Variants in CALN1 observed in about 807,000 individuals in gnomAD.
CALN1 encodes calcium-binding protein 8.
A neutral mutation model predicts 30.6 loss-of-function variants in CALN1; 17 were observed. The observed-to-expected ratio is 0.56, with a 90% CI of 0.38 to 0.83. CALN1 has a LOEUF of 0.83. Among genes scored for constraint, CALN1 ranks in the 40% least tolerant of loss-of-function variants. The pLI, the probability that CALN1 is intolerant of heterozygous loss-of-function variation, is 0.00. For synonymous variants in CALN1, 156 were observed against 131.4 expected, an observed-to-expected ratio of 1.19 and a Z score of -1.28; for missense variants, 291 against 354.9, an observed-to-expected ratio of 0.82 and a Z score of 1.45.
chr7:72,427,680 T>A, intron 1 of CALN1, among the ~76,000 whole-genome samples: 1 of 151,698 alleles, frequency 6.6e-6, no homozygotes, highest in Admixed American at 6.6e-5. Context: ...TATTTTTATT[T>A]TTTTGTAGAG....
intron 3 of CALN1, among the ~76,000 whole-genome samples, chr7:72,269,317 C>A (rs568398696): frequency 2.6e-5 from 4 of 152,252 alleles, no homozygotes; most frequent in South Asian, 4.1e-4. Context: ...ATTAACTCGT[C>A]ATTTAACATT....
At chr7:72,492,163 C>A in the CALN1 span, among the ~76,000 whole-genome samples, 24 of 152,172 alleles carry the variant, frequency 1.6e-4, no homozygotes, top group Non-Finnish European at 2.9e-4. Flanking sequence ...CAGAAATGTG[C>A]CACCTTGGCC....
intron 3 of CALN1, among the ~76,000 whole-genome samples, chr7:72,212,218 A>G (rs940796474): frequency 8.6e-5 from 13 of 151,986 alleles, no homozygotes; most frequent in South Asian, 2.1e-4. Flanking sequence ...GCGTGGTGGC[A>G]GGCACCTGTA....
chr7:71,905,758 A>C (rs1296565696), intron 5 of CALN1, among the ~76,000 whole-genome samples: 2 of 152,198 alleles, frequency 1.3e-5, no homozygotes, highest in African/African-American at 4.8e-5. Flanking sequence ...CATTATAAAA[A>C]AAATCTAGGG....
chr7:72,266,636 A>C (rs1403853126), intron 3 of CALN1, among the ~76,000 whole-genome samples: 1 of 152,070 alleles, frequency 6.6e-6, no homozygotes. Context: ...TGATGCCTTG[A>C]TCGCTTTTGG....
the CALN1 span, among the ~76,000 whole-genome samples, chr7:72,460,270 C>T: frequency 6.6e-6 from 1 of 152,170 alleles, no homozygotes; most frequent in Admixed American, 6.6e-5. Context: ...GACAAACATC[C>T]AAACGATGTC....
At chr7:72,139,718 G>C (rs575881700) in intron 3 of CALN1, among the ~76,000 whole-genome samples, 3 of 152,040 alleles carry the variant, frequency 2.0e-5, no homozygotes, top group Admixed American at 6.6e-5. Flanking sequence ...TAAGCTCCTC[G>C]GTCACCTCCA....
At chr7:72,088,527 C>A (rs1805629494) in intron 4 of CALN1, among the ~76,000 whole-genome samples, 1 of 151,776 alleles carries the variant, frequency 6.6e-6, no homozygotes, top group Middle Eastern at 3.2e-3. Flanking sequence ...GTTGAAACCC[C>A]ATCTGTACTA....
rs1554400328 is a variant in CALN1 at position 71,972,034 on chromosome 7, A to AAAGAAAGAAAGAC, written c.501+51622_501+51623insGTCTTTCTTTCTT. On this transcript the variant is annotated intron_variant, in intron 5 of 6. Transcript: ENST00000395275. Reference sequence around the variant, plus strand: ...AAGAAAGAAAAGAAAGAAAGAAAGAAAGACACACTCAGAGTTGACGCTATT... The same window carrying AAAGAAAGAAAGAC: ...AAGAAAGAAAAGAAAGAAAGAAAGAAAAGAAAGAAAGACAGACACACTCAGAGTTGACGCTATT... Among the ~76,000 whole-genome samples the AAAGAAAGAAAGAC allele has an allele frequency of 1.5e-3, 208 of 143,288 alleles. 1 individual carries two copies. The highest frequency in any genetic ancestry group is 2.2e-3 in the Admixed American group (30 of 13,540). 94.0% of individuals were successfully genotyped at this position (143,288 alleles called of 152,430 possible). A position where few individuals can be genotyped will look rare whatever the true frequency, so the allele number is the denominator to read the frequency against.
chr7:71,809,464 C>CGAAAAAAA (rs376097060), intron 6 of CALN1, among the ~76,000 whole-genome samples: 1 of 108,402 alleles, frequency 9.2e-6, no homozygotes, highest in African/African-American at 3.5e-5. Context: ...TTTAAATGTT[C>CGAAAAAAA]AAAAAAAAAA....
At chr7:72,276,853 G>T (rs1452786837) in intron 3 of CALN1, among the ~76,000 whole-genome samples, 2 of 152,078 alleles carry the variant, frequency 1.3e-5, no homozygotes, top group African/African-American at 2.4e-5. Context: ...TGTTGTTATA[G>T]CAACACAAAG....
intron 5 of CALN1, among the ~76,000 whole-genome samples, chr7:71,920,555 T>C (rs1794892541): frequency 6.6e-6 from 1 of 152,066 alleles, no homozygotes; most frequent in African/African-American, 2.4e-5. Flanking sequence ...CAGGATGGTC[T>C]TGATCTCCTG....
chr7:72,435,275 G>A (rs1027249485), intron 1 of CALN1, among the ~76,000 whole-genome samples: 1 of 151,790 alleles, frequency 6.6e-6, no homozygotes, highest in African/African-American at 2.4e-5. Flanking sequence ...AAAGGGAAGG[G>A]AAGGGGAAGG....
chr7:72,113,246 T>C (rs2129541676), intron 3 of CALN1, among the ~76,000 whole-genome samples: 1 of 152,186 alleles, frequency 6.6e-6, no homozygotes, highest in South Asian at 2.1e-4. Flanking sequence ...GAGTCCTCAA[T>C]TAGTTCCTGC....
chr7:72,458,884 T>C, the CALN1 span, among the ~76,000 whole-genome samples: 1 of 141,436 alleles, frequency 7.1e-6, no homozygotes, highest in Non-Finnish European at 1.5e-5. Context: ...ATATATTTGT[T>C]TGTTTTGGTT....
chr7:72,490,372 T>C, the CALN1 span, among the ~76,000 whole-genome samples: 1 of 152,230 alleles, frequency 6.6e-6, no homozygotes, highest in African/African-American at 2.4e-5. Flanking sequence ...GAGGGTTATA[T>C]AGAGCAATGA....
Position 72,205,575 on chromosome 7 carries a change from T to TATATACATATATATATATATATATAC in CALN1, c.244+73110_244+73111insGTATATATATATATATATATGTATAT, listed in dbSNP as rs1562733884. Among the ~76,000 whole-genome samples the TATATACATATATATATATATATATAC allele has an allele frequency of 5.6e-4, 67 of 119,584 alleles. 1 individual carries two copies. The highest frequency in any genetic ancestry group is 2.8e-3 in the African/African-American group (66 of 23,618). The allele number at this position is 119,584 out of a possible 152,430, so 78.5% of individuals were successfully genotyped here. On this transcript the variant is annotated intron_variant, in intron 3 of 6. Transcript: ENST00000395275. ...AAATATATATATATATATGTATATA[T>TATATACATATATATATATATATATAC]ATATATATATATTCAGGAGAAACAT...
chr7:72,052,927 C>G lies in CALN1; in HGVS notation c.389-29158G>C, dbSNP rs180720225. 5.0e-5 allele frequency among the ~76,000 whole-genome samples: 7 copies of G among 140,954 alleles called. 1 individual carries two copies. Among genetic ancestry groups the G allele is most frequent in the South Asian group, 5.0e-4 (2 of 3,976 alleles). 92.5% of individuals were successfully genotyped at this position (140,954 alleles called of 152,430 possible). A position where few individuals can be genotyped will look rare whatever the true frequency, so the allele number is the denominator to read the frequency against. ...AGGTGTGGTGGCTCACGCCTGTAAT[C>G]CCAGCACTTTGAGAGGCCAAGGCCA... On this transcript the variant is annotated intron_variant, in intron 4 of 6. Transcript: ENST00000395275.
intron 2 of CALN1, among the ~76,000 whole-genome samples, chr7:72,339,847 G>A (rs182948983): frequency 6.6e-6 from 1 of 152,272 alleles, no homozygotes; most frequent in Admixed American, 6.5e-5. Context: ...GGAGACCTGT[G>A]CCCATGATTC....
Sources: allele counts gnomAD v4.1 joint callset (sites outside exome capture counted in the v4.1 genomes callset), GRCh38; gene constraint gnomAD v4.1.1; transcripts MANE v1.5; gene names NCBI Gene and HGNC (gene_info 2026-07-23, HGNC 2026-07-21).